The following PRH1 variants were observed in gnomAD, a reference collection of about 807,000 sequenced individuals.
PRH1 encodes proline rich protein HaeIII subfamily 1.
A neutral mutation model predicts 7.9 loss-of-function variants in PRH1; 7 were observed. That is an observed-to-expected ratio of 0.89 (90% CI 0.50 to 1.67). PRH1 has a LOEUF of 1.67. PRH1 is among the 40% of genes most tolerant of loss of function. PRH1 has a pLI of 0.00. For missense variants in PRH1, 109 were observed against 223.6 expected (o/e 0.49, Z 3.27); for synonymous variants, 45 against 80.8 (o/e 0.56, Z 2.38).
chr12:10,923,479 G>T (rs915179870), intron 2 of PRH1, among the ~76,000 whole-genome samples: 3 of 152,144 alleles, frequency 2.0e-5, no homozygotes, highest in African/African-American at 7.2e-5. Context: ...GTCTTTAACT[G>T]TTACTGTTGT....
At chr12:10,985,771 C>T in intron 1 of PRH1, 1 of 586,080 alleles carries the variant, frequency 1.7e-6, no homozygotes, top group East Asian at 2.8e-5. Context: ...CACATAGATA[C>T]ACTTTTAGAC....
chr12:11,031,515 A>AT, intron 1 of PRH1: 4 of 701,840 alleles, frequency 5.7e-6, no homozygotes, highest in Admixed American at 6.7e-5. Context: ...TTTATTGAGA[A>AT]GAGAGAAAGG....
chr12:11,012,847 C>T (rs4763613), intron 1 of PRH1, among the ~76,000 whole-genome samples: 46,322 of 151,978 alleles, frequency 0.3, 8,930 homozygotes, highest in East Asian at 0.74. Context: ...GTGAACTGCA[C>T]CTAGCTGAGA....
intron 1 of PRH1, chr12:10,997,927 A>G (rs750312978): frequency 1.7e-6 from 2 of 1,198,414 alleles, no homozygotes; most frequent in Admixed American, 4.9e-5. Flanking sequence ...ACTGATGGTG[A>G]CTCCTCTGAT....
intron 1 of PRH1, among the ~76,000 whole-genome samples, chr12:11,071,951 T>C (rs1224457437): frequency 6.6e-6 from 1 of 152,144 alleles, no homozygotes; most frequent in African/African-American, 2.4e-5. Flanking sequence ...GGACTCTTTG[T>C]GCCCCTTCCC....
At chr12:11,030,439 G>A (rs1455884409) in intron 1 of PRH1, 5 of 1,614,236 alleles carry the variant, frequency 3.1e-6, no homozygotes, top group Non-Finnish European at 4.2e-6. Flanking sequence ...CTTTCACCCA[G>A]TACCTCACTT....
chr12:11,133,537 C>G (rs766828993), intron 1 of PRH1: 1 of 1,565,510 alleles, frequency 6.4e-7, no homozygotes, highest in East Asian at 2.3e-5. Flanking sequence ...TGGCACATAA[C>G]AGAAGAAAGG....
intron 1 of PRH1, among the ~76,000 whole-genome samples, chr12:11,093,675 C>G (rs1340752803): frequency 8.7e-6 from 1 of 115,168 alleles, no homozygotes; most frequent in Non-Finnish European, 2.0e-5. Flanking sequence ...CTGCAGTATC[C>G]TCCTATCACA....
At chr12:11,065,360 C>T (rs758673241) in intron 1 of PRH1, among the ~76,000 whole-genome samples, 2 of 150,020 alleles carry the variant, frequency 1.3e-5, no homozygotes, top group East Asian at 2.0e-4. Flanking sequence ...ATACACTTTA[C>T]CACTTTTGGA....
At chr12:10,936,168 C>T (rs1024326202) in intron 2 of PRH1, among the ~76,000 whole-genome samples, 40 of 151,986 alleles carry the variant, frequency 2.6e-4, no homozygotes, top group African/African-American at 9.2e-4. Context: ...TACACACACC[C>T]CTGCAGCTTT....
intron 2 of PRH1, among the ~76,000 whole-genome samples, chr12:10,940,400 G>A (rs1306849786): frequency 6.6e-6 from 1 of 152,132 alleles, no homozygotes; most frequent in East Asian, 1.9e-4. Flanking sequence ...AGTAATACAT[G>A]TAAATATTCC....
intron 1 of PRH1, among the ~76,000 whole-genome samples, chr12:11,079,435 A>G (rs1413753598): frequency 8.5e-6 from 1 of 117,700 alleles, no homozygotes; most frequent in African/African-American, 2.9e-5. Context: ...ATCTACACTA[A>G]ATCAGCCAAA....
At chr12:10,989,080 T>A (rs1340315131) in intron 1 of PRH1, among the ~76,000 whole-genome samples, 1 of 152,186 alleles carries the variant, frequency 6.6e-6, no homozygotes, top group Non-Finnish European at 1.5e-5. Context: ...AGTGCTGGGA[T>A]TACAGGCGTG....
rs1944489884 is a variant in PRH1, at chr12:11,081,240, C to G, written n.124-34052G>C. Among the ~76,000 whole-genome samples, 3 of 142,026 alleles carry G rather than the reference C, an allele frequency of 2.1e-5. No individual in the cohort carries two copies. In the South Asian group the frequency reaches 6.4e-4, roughly 30 times the overall value. 93.2% of individuals were successfully genotyped at this position (142,026 alleles called of 152,430 possible). A position where few individuals can be genotyped will look rare whatever the true frequency, so the allele number is the denominator to read the frequency against. On this transcript the variant is annotated intron_variant and non_coding_transcript_variant, in intron 1 of 4. Coordinates refer to the PRH1 transcript ENST00000541977. ...TCTTCTAATTCACTTATTCTCTCTTCTACTGCATCTAACTGGTTAACTCTG... is the reference window on the plus strand; with the variant it reads ...TCTTCTAATTCACTTATTCTCTCTTGTACTGCATCTAACTGGTTAACTCTG...
chr12:10,904,772 T>C lies in PRH1; in HGVS notation c.-58-20497A>G, dbSNP rs1357895388. Among the ~76,000 whole-genome samples the C allele has an allele frequency of 2.6e-5, 4 of 152,066 alleles. No individual in the cohort carries two copies. In the East Asian group the frequency reaches 7.7e-4, roughly 29 times the overall value. On this transcript the variant is annotated intron_variant, in intron 2 of 3. Coordinates refer to the PRH1 transcript ENST00000539853. ...TATAGAATGTAAGATTTGCAAACTA[T>C]GCATGCAACAAGGGTCTAATATCCC...
chr12:11,137,703 T>C (rs560645482), intron 1 of PRH1, among the ~76,000 whole-genome samples: 16 of 152,342 alleles, frequency 1.1e-4, no homozygotes, highest in Middle Eastern at 6.8e-3. Context: ...TAAATCTAAG[T>C]GTATTGAGCT....
At position 10,950,590 on chromosome 12, in the gene PRH1, A is replaced by C. The variant is rs182429768; in HGVS notation, c.-59+23065T>G. ...TTTGTATTATGTTGTTAACTTTTCTAATCTTTTTTCTTGAAGTTTCAAATT... is the reference window on the plus strand; with the variant it reads ...TTTGTATTATGTTGTTAACTTTTCTCATCTTTTTTCTTGAAGTTTCAAATT... On this transcript the variant is annotated intron_variant, in intron 2 of 3. Transcript: ENST00000539853. Among the ~76,000 whole-genome samples, 3 of 151,902 alleles carry C rather than the reference A, an allele frequency of 2.0e-5. No homozygotes were observed. The East Asian group carries it at 5.8e-4, about 29-fold the overall frequency.
intron 2 of PRH1, chr12:10,931,253 A>G (rs1950208649): frequency 7.2e-7 from 1 of 1,393,692 alleles, no homozygotes; most frequent in Non-Finnish European, 9.6e-7. Flanking sequence ...TTTTTAAACA[A>G]TCTCTTGAAG....
intron 2 of PRH1, among the ~76,000 whole-genome samples, chr12:10,934,583 A>G (rs1262748980): frequency 2.6e-5 from 4 of 151,958 alleles, no homozygotes; most frequent in Admixed American, 1.3e-4. Context: ...CCTGTTATAC[A>G]TACTTATTAA....
Sources: allele counts gnomAD v4.1 joint callset (sites outside exome capture counted in the v4.1 genomes callset), GRCh38; gene constraint gnomAD v4.1.1; transcripts MANE v1.5; gene names NCBI Gene and HGNC (gene_info 2026-07-23, HGNC 2026-07-21).